RTTN: variants seen among roughly 807,000 people sequenced by gnomAD.
RTTN encodes rotatin.
RTTN carries 182 observed loss-of-function variants against 269.2 expected under a neutral mutation model. The ratio of observed to expected loss-of-function variants is 0.68; its 90% CI spans 0.60 to 0.76. RTTN has a LOEUF of 0.76. RTTN is among the 30% of genes least tolerant of loss of function. The pLI is 0.00. For synonymous variants in RTTN, 1,006 were observed against 963.5 expected (o/e 1.04, Z -0.82); for missense variants, 2,545 against 2,608.6 (o/e 0.98, Z 0.53).
Position 70,092,157 on chromosome 18 carries a change from G to T in RTTN, c.4096C>A (p.Gln1366Lys). ...AATGGAATCAACCAAGCCAATCCTT[G>T]TTGAGTAGGAATATGTTCTTCACTA... ...SHSEEHIPTQ[Q>K]GLAWLIPLWV... Residue 1366 changes from glutamine to lysine, a missense_variant, in exon 30 of 49, where the codon CAA (glutamine) becomes AAA (lysine). Gln to Lys is a moderately conservative substitution (Grantham distance 53). Transcript: ENST00000640769. 6.2e-7 allele frequency: 1 copy of T among 1,613,558 alleles called. No homozygotes were observed. Among genetic ancestry groups the T allele is most frequent in the Non-Finnish European group, 8.5e-7 (1 of 1,179,602 alleles).
chr18:70,193,332 C>G lies in RTTN; in HGVS notation c.963G>C (p.Gln321His), dbSNP rs770105731. 1.2e-6 allele frequency: 2 copies of G among 1,611,144 alleles called. 1 individual carries two copies. The highest frequency in any genetic ancestry group is 2.2e-5 in the South Asian group (2 of 90,862). Residue 321 changes from glutamine to histidine, a missense_variant, in exon 8 of 49, where the codon CAG becomes CAC. Coordinates refer to ENST00000640769, the MANE Select transcript of RTTN (RefSeq NM_173630.4). ...PRPSVVGRTGQRPRGDGQDWD... is the reference protein window; with the variant it reads ...PRPSVVGRTGHRPRGDGQDWD... ...AGTCCTGGCCATCTCCTCTGGGTCG[C>G]TGGCCTGTGCGCCCAACCACAGAAG...
intron 25 of RTTN, among the ~76,000 whole-genome samples, chr18:70,124,616 G>C (rs779484867): frequency 6.6e-6 from 1 of 152,054 alleles, no homozygotes; most frequent in Non-Finnish European, 1.5e-5. Context: ...GCACTTCATA[G>C]AAACACAGCA....
intron 26 of RTTN, among the ~76,000 whole-genome samples, chr18:70,119,875 G>A (rs2059691727): frequency 1.3e-5 from 2 of 152,276 alleles, no homozygotes; most frequent in Admixed American, 1.3e-4. Context: ...AGCTCACTAT[G>A]TGCAAGGCAC....
intron 4 of RTTN, among the ~76,000 whole-genome samples, chr18:70,199,925 T>C (rs1204391323): frequency 6.6e-6 from 1 of 152,256 alleles, no homozygotes; most frequent in Non-Finnish European, 1.5e-5. Context: ...TATCTAGCCA[T>C]GTTCAAATAT....
chr18:70,138,867 A>T (rs1450834266), intron 21 of RTTN: 3 of 152,198 alleles, frequency 2.0e-5, no homozygotes, highest in African/African-American at 7.2e-5. Context: ...AAGATGAAGC[A>T]CATTCAGATG....
At chr18:70,176,613 A>C in intron 11 of RTTN, 62 bp downstream of exon 11, 1 of 1,422,924 alleles carries the variant, frequency 7.0e-7, no homozygotes, top group Non-Finnish European at 9.4e-7. Flanking sequence ...GAAGAAATTT[A>C]CAACAGAGCA....
intron 5 of RTTN, among the ~76,000 whole-genome samples, chr18:70,198,871 A>T (rs542619070): frequency 1.4e-4 from 21 of 152,264 alleles, no homozygotes; most frequent in Admixed American, 6.5e-4. Context: ...GTCACCAAGG[A>T]CTACACAAGA....
chr18:70,168,226 C>G (rs2061043544), intron 12 of RTTN, among the ~76,000 whole-genome samples: 1 of 152,096 alleles, frequency 6.6e-6, no homozygotes, highest in African/African-American at 2.4e-5. Context: ...GATCCATGTC[C>G]TTATTTTCAA....
intron 26 of RTTN, among the ~76,000 whole-genome samples, chr18:70,120,826 G>A (rs1302179362): frequency 6.6e-6 from 1 of 152,156 alleles, no homozygotes; most frequent in East Asian, 1.9e-4. Context: ...CAAGGTGGGC[G>A]GATCACCTGA....
At chr18:70,157,659 G>A (rs1211251606) in intron 14 of RTTN, among the ~76,000 whole-genome samples, 7 of 152,162 alleles carry the variant, frequency 4.6e-5, no homozygotes, top group Non-Finnish European at 8.8e-5. Flanking sequence ...TGGAAGGCAA[G>A]GAAGCTCGAC....
At position 70,041,069 on chromosome 18, in the gene RTTN, C is replaced by T. The variant is rs150149142; in HGVS notation, c.5541+6902G>A. On this transcript the variant is annotated intron_variant, in intron 40 of 48. Transcript: ENST00000640769. ...GAAAAATATAAAAATTAGCTGGGCACGGTGGCAAGCGCCTGTAATCCCAGC... is the reference window on the plus strand; with the variant it reads ...GAAAAATATAAAAATTAGCTGGGCATGGTGGCAAGCGCCTGTAATCCCAGC... 2.0e-4 allele frequency among the ~76,000 whole-genome samples: 31 copies of T among 151,576 alleles called. 2 individuals carry two copies. In the East Asian group the frequency reaches 4.9e-3, roughly 24 times the overall value.
chr18:70,065,772 C>A, intron 35 of RTTN, 57 bp downstream of exon 35: 2 of 1,177,188 alleles, frequency 1.7e-6, no homozygotes, highest in South Asian at 3.3e-5. Context: ...AAATATCTGT[C>A]TGGACCAACT....
intron 32 of RTTN, among the ~76,000 whole-genome samples, 183 bp downstream of exon 32, chr18:70,086,430 A>T (rs2058699305): frequency 6.6e-6 from 1 of 152,176 alleles, no homozygotes. Flanking sequence ...ATTATTGTGA[A>T]CACTATAGAG....
At chr18:70,043,173 A>G (rs1292726397) in intron 40 of RTTN, among the ~76,000 whole-genome samples, 2 of 152,252 alleles carry the variant, frequency 1.3e-5, no homozygotes, top group Non-Finnish European at 2.9e-5. Context: ...GAACACACTG[A>G]GAGGATGTTT....
intron 24 of RTTN, 129 bp downstream of exon 24, chr18:70,128,228 TA>T: frequency 1.5e-6 from 1 of 661,494 alleles, no homozygotes; most frequent in Non-Finnish European, 2.5e-6. Context: ...GTAAAAATTA[TA>T]ACTGTTAAAA....
intron 18 of RTTN, 29 bp downstream of exon 18, chr18:70,145,583 A>C: frequency 6.6e-7 from 1 of 1,505,696 alleles, no homozygotes; most frequent in Non-Finnish European, 9.0e-7. Context: ...AAATTACCAC[A>C]CAGTAATAAA....
chr18:70,022,023 T>C (rs1568252286), intron 44 of RTTN, among the ~76,000 whole-genome samples: 1 of 152,120 alleles, frequency 6.6e-6, no homozygotes, highest in Non-Finnish European at 1.5e-5. Flanking sequence ...ATAAATTTAA[T>C]AAAATTTAAA....
chr18:70,031,539 T>C, intron 40 of RTTN: 1 of 393,486 alleles, frequency 2.5e-6, no homozygotes, highest in Non-Finnish European at 4.5e-6. Context: ...AAATCATTTG[T>C]AATTCCGAAA....
In RTTN at chr18:70,073,903, T is replaced by C. The variant is rs754986087; in HGVS notation, c.4653+3A>G. 24 of 1,605,488 alleles carry C rather than the reference T, an allele frequency of 1.5e-5. No individual in the cohort carries two copies. The highest frequency in any genetic ancestry group is 2.0e-5 in the Non-Finnish European group (23 of 1,172,788). On this transcript the variant is annotated splice_donor_region_variant and intron_variant, in intron 34 of 48. Transcript: ENST00000640769. ...AAAGGACTTATGCATTCTTTGCAAGTACCGTTGTTTCTGAGGTGGAGAGAG... is the reference window on the plus strand; with the variant it reads ...AAAGGACTTATGCATTCTTTGCAAGCACCGTTGTTTCTGAGGTGGAGAGAG...
Sources: allele counts gnomAD v4.1 joint callset (sites outside exome capture counted in the v4.1 genomes callset), GRCh38; gene constraint gnomAD v4.1.1; transcripts MANE v1.5; gene names NCBI Gene and HGNC (gene_info 2026-07-23, HGNC 2026-07-21).